The following HMGN5 variants were observed in gnomAD, a reference collection of about 807,000 sequenced individuals.
HMGN5 encodes high mobility group nucleosome binding domain 5, also known as high mobility group nucleosome-binding domain-containing protein 5.
HMGN5 carries 4 observed loss-of-function variants against 9.5 expected under a neutral mutation model. That is an observed-to-expected ratio of 0.42 (90% CI 0.21 to 0.96). The LOEUF (loss-of-function observed/expected upper bound fraction) is 0.96, where lower values mean the gene tolerates loss of function less well. Ranked by LOEUF, HMGN5 falls within the 40% of genes least tolerant of loss-of-function variation. The pLI, the probability that HMGN5 is intolerant of heterozygous loss-of-function variation, is 0.30. For synonymous variants in HMGN5, 55 were observed against 57.1 expected (o/e 0.96, Z 0.16); for missense variants, 192 against 187.5 (o/e 1.02, Z -0.14).
At chrX:81,161,862 G>A (rs182543858) in intron 1 of HMGN5, among the ~76,000 whole-genome samples, 3 of 109,357 alleles carry the variant, frequency 2.7e-5, no homozygotes, top group East Asian at 2.8e-4. Context: ...ATGATAAAAC[G>A]CAAAAGGAAA....
chrX:81,196,340 C>T (rs1320316384), intron 1 of HMGN5, among the ~76,000 whole-genome samples: 2 of 109,604 alleles, frequency 1.8e-5, no homozygotes, highest in African/African-American at 6.7e-5. Flanking sequence ...AGACTCCAGA[C>T]ATTCTTACTT....
At chrX:81,189,148 A>G (rs1316056746) in intron 1 of HMGN5, among the ~76,000 whole-genome samples, 4 of 111,639 alleles carry the variant, frequency 3.6e-5, no homozygotes, top group Non-Finnish European at 7.5e-5. Context: ...ATACTATTCT[A>G]GAGTAAAAGT....
intron 1 of HMGN5, among the ~76,000 whole-genome samples, chrX:81,165,113 G>A (rs1228902542): frequency 9.0e-6 from 1 of 111,350 alleles, no homozygotes; most frequent in East Asian, 2.8e-4. Flanking sequence ...AATATTGAAA[G>A]TACCTAAGAA....
intron 1 of HMGN5, among the ~76,000 whole-genome samples, chrX:81,155,547 A>T (rs886885190): frequency 2.7e-5 from 3 of 111,133 alleles, no homozygotes; most frequent in Non-Finnish European, 5.7e-5. Context: ...GCTATGGAAC[A>T]TCTATACCAT....
intron 1 of HMGN5, among the ~76,000 whole-genome samples, chrX:81,180,314 G>T (rs2075458612): frequency 9.0e-6 from 1 of 111,379 alleles, no homozygotes; most frequent in Non-Finnish European, 1.9e-5. Context: ...TCTGATGAAG[G>T]CCTAATATCC....
intron 1 of HMGN5, among the ~76,000 whole-genome samples, chrX:81,148,061 A>T (rs1159049323): frequency 8.9e-6 from 1 of 111,902 alleles, no homozygotes; most frequent in Non-Finnish European, 1.9e-5. Flanking sequence ...TACTGCCCAA[A>T]GTAATTTATA....
intron 1 of HMGN5, among the ~76,000 whole-genome samples, chrX:81,175,591 C>T (rs1449490307): frequency 9.0e-6 from 1 of 110,675 alleles, no homozygotes. Context: ...ATTCCATAAC[C>T]CTTAAATAAA....
chrX:81,153,966 G>A (rs2075376214), intron 1 of HMGN5, among the ~76,000 whole-genome samples: 1 of 108,619 alleles, frequency 9.2e-6, no homozygotes, highest in African/African-American at 3.4e-5. Context: ...CAGACTTAAT[G>A]CAACCCCTAT....
intron 1 of HMGN5, among the ~76,000 whole-genome samples, chrX:81,193,748 CAT>C (rs1349460669): frequency 8.9e-6 from 1 of 111,925 alleles, no homozygotes; most frequent in Non-Finnish European, 1.9e-5. Context: ...TTAATATTCA[CAT>C]ATGAGTTTAG....
intron 1 of HMGN5, among the ~76,000 whole-genome samples, chrX:81,166,205 A>G (rs1182228991): frequency 3.6e-5 from 4 of 111,534 alleles, no homozygotes; most frequent in Non-Finnish European, 1.9e-5. Flanking sequence ...GAGAATTGCT[A>G]TATCAGACTG....
chrX:81,175,539 T>A (rs1278129193), intron 1 of HMGN5, among the ~76,000 whole-genome samples: 1 of 111,708 alleles, frequency 9.0e-6, no homozygotes, highest in Non-Finnish European at 1.9e-5. Flanking sequence ...ATTTCATAAA[T>A]GTAAGATGAA....
intron 3 of HMGN5, 89 bp from the exon 4 acceptor site, chrX:81,118,848 C>G (rs2075261468): frequency 1.8e-6 from 1 of 570,106 alleles, no homozygotes; most frequent in Non-Finnish European, 2.8e-6. Context: ...TTTGGTGTAA[C>G]AATACATAAA....
chrX:81,161,871 A>T (rs2075398349), intron 1 of HMGN5, among the ~76,000 whole-genome samples: 1 of 109,603 alleles, frequency 9.1e-6, no homozygotes, highest in Non-Finnish European at 1.9e-5. Flanking sequence ...CGCAAAAGGA[A>T]ATATACGAGC....
intron 1 of HMGN5, among the ~76,000 whole-genome samples, chrX:81,124,943 T>C (rs772190199): frequency 9.0e-6 from 1 of 110,775 alleles, no homozygotes; most frequent in Admixed American, 9.7e-5. Context: ...CAGGAAGATA[T>C]GAAAATTTAT....
At chrX:81,132,257 G>A (rs148451457) in intron 1 of HMGN5, among the ~76,000 whole-genome samples, 1,265 of 111,517 alleles carry the variant, frequency 0.011, 18 homozygotes, top group African/African-American at 0.039. Flanking sequence ...TGGAAAGGAA[G>A]AATCACTATC....
intron 1 of HMGN5, among the ~76,000 whole-genome samples, chrX:81,153,587 ATATATATAT>A (rs2075373678): frequency 2.9e-4 from 1 of 3,393 alleles, no homozygotes; most frequent in African/African-American, 1.1e-3. Flanking sequence ...CTCTCTCTAT[ATATATATAT>A]ATATATATAT....
At chrX:81,192,967 G>A (rs2075498158) in intron 1 of HMGN5, among the ~76,000 whole-genome samples, 1 of 110,461 alleles carries the variant, frequency 9.1e-6, no homozygotes, top group African/African-American at 3.3e-5. Flanking sequence ...ATTTTTTTAG[G>A]TAAGATTATT....
intron 1 of HMGN5, among the ~76,000 whole-genome samples, chrX:81,172,473 T>G (rs773304032): frequency 6.4e-5 from 7 of 108,940 alleles, no homozygotes; most frequent in South Asian, 3.9e-4. Flanking sequence ...TTTAAAGTAT[T>G]CCAGAAAAAA....
At chrX:81,134,084 A>G (rs1026280033) in intron 1 of HMGN5, among the ~76,000 whole-genome samples, 1 of 111,643 alleles carries the variant, frequency 9.0e-6, no homozygotes, top group Admixed American at 9.5e-5. Context: ...GAATACATTT[A>G]GATCTAGCAA....
Sources: allele counts gnomAD v4.1 joint callset (sites outside exome capture counted in the v4.1 genomes callset), GRCh38; gene constraint gnomAD v4.1.1; transcripts MANE v1.5; gene names NCBI Gene and HGNC (gene_info 2026-07-23, HGNC 2026-07-21).